The following HMBOX1 variants were observed in gnomAD, a reference collection of about 807,000 sequenced individuals.
HMBOX1 encodes homeobox containing 1, also known as homeobox-containing protein 1.
A neutral mutation model predicts 54.5 loss-of-function variants in HMBOX1; 14 were observed. The ratio of observed to expected loss-of-function variants is 0.26; its 90% CI spans 0.17 to 0.40. HMBOX1 has a LOEUF of 0.40. HMBOX1 is among the 10% of genes least tolerant of loss of function. The pLI is 1.00. For synonymous variants in HMBOX1, 160 were observed against 181.0 expected, an observed-to-expected ratio of 0.88 and a Z score of 0.93; for missense variants, 332 against 514.4, an observed-to-expected ratio of 0.65 and a Z score of 3.43.
intron 1 of HMBOX1, among the ~76,000 whole-genome samples, chr8:28,913,032 C>G (rs1344474489): frequency 1.3e-5 from 2 of 152,190 alleles, no homozygotes; most frequent in East Asian, 3.8e-4. Context: ...CTTCTATATT[C>G]TGTTTCCAAA....
rs536952847 is a variant in HMBOX1 at position 29,052,974 on chromosome 8, T to A, written c.*1819T>A. 3.3e-5 allele frequency: 5 copies of A among 152,296 alleles called. No homozygotes were observed. Among genetic ancestry groups the A allele is most frequent in the South Asian group, 4.1e-4 (2 of 4,822 alleles). The allele number at this position is 152,296 out of a possible 1,614,324, so 9.4% of individuals were successfully genotyped here. A position where few individuals can be genotyped will look rare whatever the true frequency, so the allele number is the denominator to read the frequency against. On this transcript the variant is annotated 3_prime_UTR_variant, in exon 10 of 10. Coordinates refer to ENST00000287701, the MANE Select transcript of HMBOX1 (RefSeq NM_001135726.3). ...ACCAAATGTATTCAACTTAAAACTG[T>A]GAGAGAGAGAGACTGAATGACCTTC...
intron 2 of HMBOX1, among the ~76,000 whole-genome samples, chr8:28,965,942 T>G (rs941597614): frequency 2.0e-5 from 3 of 152,096 alleles, no homozygotes; most frequent in African/African-American, 7.2e-5. Flanking sequence ...GTAAATATCA[T>G]GTATGCAAAA....
intron 1 of HMBOX1, among the ~76,000 whole-genome samples, chr8:28,946,363 G>A (rs111630599): frequency 1.3e-5 from 2 of 150,550 alleles, no homozygotes; most frequent in African/African-American, 4.9e-5. Flanking sequence ...GAGGTCAGGA[G>A]TTTGAAACCA....
intron 1 of HMBOX1, among the ~76,000 whole-genome samples, chr8:28,912,850 T>C (rs1017370156): frequency 6.6e-6 from 1 of 152,178 alleles, no homozygotes; most frequent in Non-Finnish European, 1.5e-5. Context: ...GATATTTCTT[T>C]TGGGGTGTTT....
rs900454511 is a variant in HMBOX1, at chr8:28,890,585, C to G, written c.-151C>G. 12 of 152,968 alleles carry G rather than the reference C, an allele frequency of 7.8e-5. No individual in the cohort carries two copies. Among genetic ancestry groups the G allele is most frequent in the African/African-American group, 2.9e-4 (12 of 41,430 alleles). The allele number at this position is 152,968 out of a possible 1,614,324, so 9.5% of individuals were successfully genotyped here. A position where few individuals can be genotyped will look rare whatever the true frequency, so the allele number is the denominator to read the frequency against. On this transcript the variant is annotated 5_prime_UTR_variant, in exon 1 of 10. Transcript: ENST00000287701. ...CCCCACGCGGAAGACACCCCTCCCC[C>G]TCCCGCCTTCCCTCCTCCCTATCTC...
At chr8:28,975,276 C>G (rs1828181664) in intron 3 of HMBOX1, among the ~76,000 whole-genome samples, 1 of 152,168 alleles carries the variant, frequency 6.6e-6, no homozygotes, top group Non-Finnish European at 1.5e-5. Context: ...TAATACAGAA[C>G]AGCATGTAAT....
At chr8:29,004,769 G>GA in intron 4 of HMBOX1, among the ~76,000 whole-genome samples, 1 of 152,222 alleles carries the variant, frequency 6.6e-6, no homozygotes, top group East Asian at 1.9e-4. Flanking sequence ...TCTGCAGTGG[G>GA]AAGTAGGGGG....
intron 1 of HMBOX1, among the ~76,000 whole-genome samples, chr8:28,941,181 G>A (rs1015054019): frequency 2.0e-5 from 3 of 151,976 alleles, no homozygotes; most frequent in Admixed American, 6.5e-5. Flanking sequence ...TTTACAAATG[G>A]CTCATCTGTG....
intron 1 of HMBOX1, among the ~76,000 whole-genome samples, chr8:28,939,806 G>A (rs1220570084): frequency 6.6e-6 from 1 of 151,998 alleles, no homozygotes; most frequent in South Asian, 2.1e-4. Context: ...CACCGTGCCC[G>A]GCCGAGGAAC....
intron 2 of HMBOX1, among the ~76,000 whole-genome samples, chr8:28,969,489 T>G (rs911404490): frequency 1.3e-5 from 2 of 152,206 alleles, no homozygotes; most frequent in Non-Finnish European, 2.9e-5. Context: ...TACCTCTGTT[T>G]TCCACTTAAG....
At chr8:28,952,008 A>G (rs1823509274) in intron 1 of HMBOX1, among the ~76,000 whole-genome samples, 1 of 152,102 alleles carries the variant, frequency 6.6e-6, no homozygotes. Flanking sequence ...CCCTGTCTCT[A>G]CAAAAATTTT....
At chr8:28,985,378 C>T (rs761464115) in intron 4 of HMBOX1, among the ~76,000 whole-genome samples, 4 of 152,138 alleles carry the variant, frequency 2.6e-5, no homozygotes, top group Non-Finnish European at 5.9e-5. Flanking sequence ...CTAATCACCT[C>T]CCAAAGATCC....
chr8:29,033,841 A>G (rs1433947675), intron 6 of HMBOX1, among the ~76,000 whole-genome samples: 1 of 152,202 alleles, frequency 6.6e-6, no homozygotes, highest in Non-Finnish European at 1.5e-5. Context: ...AATTAAGTAT[A>G]TGATTCATCC....
At chr8:28,914,206 T>C (rs1222384213) in intron 1 of HMBOX1, among the ~76,000 whole-genome samples, 4 of 152,160 alleles carry the variant, frequency 2.6e-5, no homozygotes, top group Non-Finnish European at 5.9e-5. Context: ...TTGTATTAAA[T>C]AAAATCAGCC....
chr8:28,961,898 T>TGTTTTTTTTTTTTTCTTTTTTC (rs369911424), intron 1 of HMBOX1, among the ~76,000 whole-genome samples: 1 of 95,474 alleles, frequency 1.0e-5, no homozygotes, highest in African/African-American at 3.4e-5. Context: ...CATTTTATTT[T>TGTTTTTTTTTTTTTCTTTTTTC]TTTTTTTTTT....
chr8:29,022,485 C>G (rs1378915214), intron 6 of HMBOX1, among the ~76,000 whole-genome samples: 1 of 152,046 alleles, frequency 6.6e-6, no homozygotes, highest in Non-Finnish European at 1.5e-5. Context: ...ACTGTTTTTA[C>G]TAATTTCAAA....
intron 1 of HMBOX1, among the ~76,000 whole-genome samples, chr8:28,911,559 T>C (rs1410592525): frequency 3.3e-5 from 5 of 152,182 alleles, no homozygotes; most frequent in African/African-American, 1.2e-4. Flanking sequence ...TTTCACCACA[T>C]TGGCCAGACT....
intron 3 of HMBOX1, among the ~76,000 whole-genome samples, chr8:28,971,209 C>T (rs1827360749): frequency 6.6e-6 from 1 of 151,014 alleles, no homozygotes; most frequent in African/African-American, 2.4e-5. Flanking sequence ...TCTCTTGTCT[C>T]AGCCTCCCGA....
At chr8:28,997,950 A>G (rs950241974) in intron 4 of HMBOX1, among the ~76,000 whole-genome samples, 2 of 152,080 alleles carry the variant, frequency 1.3e-5, no homozygotes, top group African/African-American at 4.8e-5. Flanking sequence ...TTTTATTTTT[A>G]TAGAAGAGTT....
Sources: allele counts gnomAD v4.1 joint callset (sites outside exome capture counted in the v4.1 genomes callset), GRCh38; gene constraint gnomAD v4.1.1; transcripts MANE v1.5; gene names NCBI Gene and HGNC (gene_info 2026-07-23, HGNC 2026-07-21).